Variants in CFTR observed in about 807,000 individuals in gnomAD.
CFTR encodes cystic fibrosis transmembrane conductance regulator.
CFTR carries 181 observed loss-of-function variants against 171.6 expected under a neutral mutation model. The ratio of observed to expected loss-of-function variants is 1.05; its 90% CI spans 0.93 to 1.19. CFTR has a LOEUF of 1.19. CFTR is among the 50% of genes most tolerant of loss of function. CFTR has a pLI of 0.00. For missense variants in CFTR, 1,968 were observed against 1,734.7 expected (o/e 1.13, Z -2.39); for synonymous variants, 583 against 608.0 (o/e 0.96, Z 0.60).
At chr7:117,499,794 A>AAAAC (rs570336530) in intron 1 of CFTR, among the ~76,000 whole-genome samples, 8 of 151,974 alleles carry the variant, frequency 5.3e-5, no homozygotes, top group Non-Finnish European at 4.4e-5. Flanking sequence ...TATCTCTACA[A>AAAAC]AAACAAACAA....
intron 11 of CFTR, among the ~76,000 whole-genome samples, chr7:117,566,261 AC>A (rs1277797401): frequency 1.1e-4 from 17 of 150,894 alleles, no homozygotes; most frequent in African/African-American, 3.7e-4. Context: ...ACACACACAC[AC>A]ACACACACAC....
At chr7:117,637,223 T>TC in intron 22 of CFTR, among the ~76,000 whole-genome samples, 1 of 45,196 alleles carries the variant, frequency 2.2e-5, no homozygotes, top group East Asian at 4.5e-4. Flanking sequence ...TCAAATGGTG[T>TC]TTTTTTTTTT....
chr7:117,556,600 A>AGCTCCGCCTCCCG (rs1290520033), intron 10 of CFTR, among the ~76,000 whole-genome samples: 14 of 127,152 alleles, frequency 1.1e-4, no homozygotes, highest in African/African-American at 4.0e-4. Flanking sequence ...GCTCACTGCA[A>AGCTCCGCCTCCCG]GCTCCGCCTC....
chr7:117,649,518 TA>T (rs201572909), intron 23 of CFTR, among the ~76,000 whole-genome samples: 8,779 of 75,654 alleles, frequency 0.12, 286 homozygotes, highest in African/African-American at 0.18. Context: ...TATATATATA[TA>T]TTTTTTTTTT....
At chr7:117,495,328 A>G (rs1374081146) in intron 1 of CFTR, among the ~76,000 whole-genome samples, 1 of 152,312 alleles carries the variant, frequency 6.6e-6, no homozygotes, top group East Asian at 1.9e-4. Context: ...GCTTCTCTAA[A>G]GTAGATGGGC....
intron 4 of CFTR, 138 bp downstream of exon 4, chr7:117,531,252 C>A: frequency 1.5e-6 from 1 of 668,632 alleles, no homozygotes. Flanking sequence ...AAATAAATGG[C>A]AGGAATAATT....
At chr7:117,555,111 G>C (rs1051010369) in intron 10 of CFTR, among the ~76,000 whole-genome samples, 1 of 151,836 alleles carries the variant, frequency 6.6e-6, no homozygotes, top group African/African-American at 2.4e-5. Context: ...CTCACAAACT[G>C]TCTAGCCTAG....
intron 11 of CFTR, among the ~76,000 whole-genome samples, chr7:117,567,980 T>C (rs1233119307): frequency 6.6e-6 from 1 of 151,956 alleles, no homozygotes; most frequent in Non-Finnish European, 1.5e-5. Flanking sequence ...TAAACAGGAG[T>C]CATCTGAGTG....
chr7:117,488,731 A>G (rs1010194506), intron 1 of CFTR, among the ~76,000 whole-genome samples: 1 of 152,086 alleles, frequency 6.6e-6, no homozygotes, highest in Non-Finnish European at 1.5e-5. Flanking sequence ...ATACAAAGAA[A>G]CAGTTAACCT....
chr7:117,507,390 C>T (rs879517355), intron 2 of CFTR, among the ~76,000 whole-genome samples: 2 of 152,218 alleles, frequency 1.3e-5, no homozygotes, highest in African/African-American at 2.4e-5. Flanking sequence ...AACTACATTG[C>T]CCAGGGTCAC....
chr7:117,537,098 A>T (rs1298402873), intron 7 of CFTR, among the ~76,000 whole-genome samples: 1 of 152,164 alleles, frequency 6.6e-6, no homozygotes, highest in East Asian at 1.9e-4. Context: ...CATGAAAAAA[A>T]TTGTATTTGG....
intron 3 of CFTR, among the ~76,000 whole-genome samples, chr7:117,516,822 C>T (rs1798602382): frequency 6.6e-6 from 1 of 152,246 alleles, no homozygotes; most frequent in South Asian, 2.1e-4. Context: ...TCCAATGACA[C>T]TCTTTAAGTT....
intron 19 of CFTR, among the ~76,000 whole-genome samples, chr7:117,611,270 A>G (rs1281712390): frequency 1.3e-5 from 2 of 152,122 alleles, no homozygotes; most frequent in Non-Finnish European, 2.9e-5. Flanking sequence ...TTAAAAGAAA[A>G]TTTTTTTAGT....
At chr7:117,591,794 C>T in intron 13 of CFTR, 140 bp from the exon 14 acceptor site, 1 of 561,372 alleles carries the variant, frequency 1.8e-6, no homozygotes, top group Non-Finnish European at 3.0e-6. Flanking sequence ...CTACAGAGTA[C>T]TTATAGAATC....
rs397508804 is a variant in CFTR at position 117,536,663 on chromosome 7, A to T, written c.859A>T (p.Asn287Tyr). ...AGAAGCAATGGAAAAAATGATTGAA[A>T]ACTTAAGACAGTAAGTTGTTCCAAT... ...WEEAMEKMIE[N>Y]LRQTELKLTR... Residue 287 changes from asparagine (N) to tyrosine (Y), a missense_variant, in exon 7 of 27, where the codon AAC becomes TAC. Asn to Tyr is a moderately radical substitution (Grantham distance 143). Transcript: ENST00000003084. 13 of 1,611,112 alleles carry T rather than the reference A, an allele frequency of 8.1e-6. No homozygotes were observed. The highest frequency in any genetic ancestry group is 1.1e-5 in the Non-Finnish European group (13 of 1,178,924).
At chr7:117,516,603 C>T (rs919263679) in intron 3 of CFTR, among the ~76,000 whole-genome samples, 6 of 151,880 alleles carry the variant, frequency 4.0e-5, no homozygotes, top group East Asian at 1.9e-4. Context: ...GTGAGGGTGG[C>T]GGTGGGGAGG....
chr7:117,533,619 A>G (rs1337154863), intron 4 of CFTR, among the ~76,000 whole-genome samples: 1 of 152,164 alleles, frequency 6.6e-6, no homozygotes, highest in East Asian at 1.9e-4. Flanking sequence ...TCAATTCTTC[A>G]GTTTTATAGG....
At chr7:117,540,032 A>G (rs1799021557) in intron 7 of CFTR, 68 bp from the exon 8 acceptor site, 1 of 1,366,754 alleles carries the variant, frequency 7.3e-7, no homozygotes, top group Admixed American at 1.9e-5. Context: ...CAGATCTTCC[A>G]TTCCAAGATC....
At chr7:117,559,106 A>G (rs962356112) in intron 10 of CFTR, among the ~76,000 whole-genome samples, 1 of 152,194 alleles carries the variant, frequency 6.6e-6, no homozygotes, top group African/African-American at 2.4e-5. Context: ...AATATAGTTA[A>G]AGCACATAGA....
Sources: allele counts gnomAD v4.1 joint callset (sites outside exome capture counted in the v4.1 genomes callset), GRCh38; gene constraint gnomAD v4.1.1; transcripts MANE v1.5; gene names NCBI Gene and HGNC (gene_info 2026-07-23, HGNC 2026-07-21).